The following CACNA1C variants were observed in gnomAD, a reference collection of about 807,000 sequenced individuals.
The protein encoded by CACNA1C is calcium voltage-gated channel subunit alpha1 C.
CACNA1C carries 30 observed loss-of-function variants against 229.0 expected under a neutral mutation model. The ratio of observed to expected loss-of-function variants is 0.13; its 90% CI spans 0.10 to 0.18. The LOEUF (loss-of-function observed/expected upper bound fraction) is 0.18, where lower values mean the gene tolerates loss of function less well. Ranked by LOEUF, CACNA1C falls within the 10% of genes least tolerant of loss-of-function variation. The pLI, the probability that CACNA1C is intolerant of heterozygous loss-of-function variation, is 1.00. For missense variants in CACNA1C, 1,658 were observed against 2,845.0 expected (o/e 0.58, Z 9.49); for synonymous variants, 1,114 against 1,132.5 (o/e 0.98, Z 0.33).
intron 29 of CACNA1C, among the ~76,000 whole-genome samples, chr12:2,618,220 A>G (rs112263419): frequency 1.2e-4 from 19 of 152,334 alleles, no homozygotes; most frequent in Admixed American, 4.6e-4. Context: ...CAGACAACTC[A>G]GCCCCCAAGT....
intron 34 of CACNA1C, among the ~76,000 whole-genome samples, chr12:2,655,902 T>C (rs2095394435): frequency 6.6e-6 from 1 of 152,192 alleles, no homozygotes; most frequent in Non-Finnish European, 1.5e-5. Context: ...CATCCTTTCA[T>C]GATAAAAACT....
chr12:2,613,514 C>G (rs1037416315), intron 29 of CACNA1C: 6 of 152,236 alleles, frequency 3.9e-5, no homozygotes, highest in African/African-American at 1.4e-4. Flanking sequence ...ATTCTTCTGT[C>G]ACTCAAAGAA....
At chr12:2,408,508 T>C (rs77242331) in intron 3 of CACNA1C, among the ~76,000 whole-genome samples, 1 of 151,708 alleles carries the variant, frequency 6.6e-6, no homozygotes, top group African/African-American at 2.4e-5. Context: ...TTTTTTTTTT[T>C]GGTCTGTACC....
intron 1 of CACNA1C, among the ~76,000 whole-genome samples, chr12:2,072,151 CA>C (rs1208626907): frequency 6.6e-6 from 1 of 151,398 alleles, no homozygotes; most frequent in Non-Finnish European, 1.5e-5. Flanking sequence ...GGAAACTCTT[CA>C]AATGTATGCA....
In CACNA1C at chr12:2,257,719, C is replaced by T. The variant is rs576926505; in HGVS notation, c.477+137289C>T. Among the ~76,000 whole-genome samples, 3 of 152,342 alleles carry T rather than the reference C, an allele frequency of 2.0e-5. No individual in the cohort carries two copies. In the East Asian group the frequency reaches 5.8e-4, roughly 29 times the overall value. The stretch of plus-strand genomic sequence containing the variant: ...GCATTTTCATTGATCTCTTCTCCTC[C>T]AGATTCTCCCAGGTTCTCAAGCAGT... On this transcript the variant is annotated intron_variant, in intron 3 of 46. Coordinates refer to ENST00000399655, the MANE Select transcript of CACNA1C (RefSeq NM_000719.7).
chr12:2,498,003 A>ACACACACACACACACACACACAC (rs370883428), intron 7 of CACNA1C, among the ~76,000 whole-genome samples: 1 of 149,136 alleles, frequency 6.7e-6, no homozygotes, highest in Non-Finnish European at 1.5e-5. Context: ...ACACACACAC[A>ACACACACACACACACACACACAC]ACAGCTATTA....
chr12:1,984,703 C>A (rs1248006461), intron 1 of CACNA1C, among the ~76,000 whole-genome samples: 52 of 148,428 alleles, frequency 3.5e-4, no homozygotes, highest in Non-Finnish European at 4.5e-5. Flanking sequence ...CCTGCAATTC[C>A]AGCTTTCCCT....
intron 1 of CACNA1C, chr12:2,020,329 A>G (rs2046216136): frequency 6.6e-6 from 1 of 152,210 alleles, no homozygotes; most frequent in African/African-American, 2.4e-5. Context: ...GGGAGATTGA[A>G]TAAGTTGTCC....
rs117036798 is a variant in CACNA1C at position 2,289,335 on chromosome 12, A to G, written c.478-159641A>G. Among the ~76,000 whole-genome samples, 171 of 152,152 alleles carry G rather than the reference A, an allele frequency of 1.1e-3. 3 individuals carry two copies. The East Asian group carries it at 0.032, about 28-fold the overall frequency. On this transcript the variant is annotated intron_variant, in intron 3 of 46. Coordinates refer to ENST00000399655, the MANE Select transcript of CACNA1C (RefSeq NM_000719.7). ...CCAATAGTCATCCTGAATTTCCTTC[A>G]CTGCCTGGGGAGGGGGTGGATGGAG...
At chr12:2,286,928 G>A (rs1455083738) in intron 3 of CACNA1C, among the ~76,000 whole-genome samples, 1 of 152,232 alleles carries the variant, frequency 6.6e-6, no homozygotes, top group Non-Finnish European at 1.5e-5. Flanking sequence ...ACATTGGAAC[G>A]CCAGAGGAAT....
chr12:2,483,162 T>C (rs1470816797), intron 5 of CACNA1C, among the ~76,000 whole-genome samples: 1 of 152,154 alleles, frequency 6.6e-6, no homozygotes, highest in African/African-American at 2.4e-5. Context: ...GGGAGCCGCG[T>C]GCGCTGGGAT....
chr12:2,606,826 G>A (rs974617788), intron 25 of CACNA1C, among the ~76,000 whole-genome samples, 158 bp from the exon 26 acceptor site: 1 of 152,196 alleles, frequency 6.6e-6, no homozygotes, highest in African/African-American at 2.4e-5. Context: ...AGCATTTTTT[G>A]TTCCTGAAGT....
At chr12:2,686,313 CCAGA>C (rs1355316006) in intron 45 of CACNA1C, 44 bp downstream of exon 45, 6 of 1,389,020 alleles carry the variant, frequency 4.3e-6, no homozygotes, top group Non-Finnish European at 5.1e-6. Context: ...TGCCAGCAGG[CCAGA>C]CAGTCCCCAG....
intron 3 of CACNA1C, among the ~76,000 whole-genome samples, chr12:2,332,516 T>G (rs1023965493): frequency 3.3e-5 from 5 of 152,364 alleles, no homozygotes; most frequent in Admixed American, 2.0e-4. Context: ...CAATTTGTAT[T>G]AAGAATCTTA....
intron 3 of CACNA1C, among the ~76,000 whole-genome samples, chr12:2,430,575 T>TGGG (rs141847443): frequency 6.6e-6 from 1 of 151,848 alleles, no homozygotes; most frequent in African/African-American, 2.4e-5. Flanking sequence ...TGGGAGGTGG[T>TGGG]GGGGGGGTCC....
At chr12:2,036,798 G>A (rs1170128632) in intron 1 of CACNA1C, among the ~76,000 whole-genome samples, 1 of 152,160 alleles carries the variant, frequency 6.6e-6, no homozygotes, top group Non-Finnish European at 1.5e-5. Flanking sequence ...AAATGCCCTA[G>A]GAAGGGTTAT....
intron 37 of CACNA1C, among the ~76,000 whole-genome samples, chr12:2,667,113 C>A (rs902011970): frequency 6.6e-6 from 1 of 152,102 alleles, no homozygotes; most frequent in Non-Finnish European, 1.5e-5. Context: ...ATTAGAAAGC[C>A]CAGGCATTGA....
chr12:2,280,773 C>T (rs2090942781), intron 3 of CACNA1C, among the ~76,000 whole-genome samples: 1 of 151,890 alleles, frequency 6.6e-6, no homozygotes, highest in Admixed American at 6.6e-5. Context: ...TGATACCTTG[C>T]TGTGCTTCGG....
chr12:2,356,254 TCAGA>T (rs1478489816), intron 3 of CACNA1C, among the ~76,000 whole-genome samples: 5 of 152,214 alleles, frequency 3.3e-5, no homozygotes, highest in Admixed American at 1.3e-4. Flanking sequence ...TTGAGTGGTT[TCAGA>T]CACTTCTCAT....
Sources: allele counts gnomAD v4.1 joint callset (sites outside exome capture counted in the v4.1 genomes callset), GRCh38; gene constraint gnomAD v4.1.1; transcripts MANE v1.5; gene names NCBI Gene and HGNC (gene_info 2026-07-23, HGNC 2026-07-21).